Variants in RIMS2 observed in about 807,000 individuals in gnomAD.
RIMS2 encodes the protein regulating synaptic membrane exocytosis 2.
In RIMS2, 59 loss-of-function variants were observed where a neutral mutation model predicts 174.4. The ratio of observed to expected loss-of-function variants is 0.34; its 90% CI spans 0.27 to 0.42. The LOEUF (loss-of-function observed/expected upper bound fraction) is 0.42. Ranked by LOEUF, RIMS2 falls within the 10% of genes least tolerant of loss-of-function variation. RIMS2 has a pLI of 1.00. For missense variants in RIMS2, 1,620 were observed against 1,666.3 expected, an observed-to-expected ratio of 0.97 and a Z score of 0.48; for synonymous variants, 606 against 572.5, an observed-to-expected ratio of 1.06 and a Z score of -0.84.
exon 24 of RIMS2, chr8:104,251,799 A>G: frequency 1.2e-6 from 2 of 1,604,196 alleles, no homozygotes; most frequent in South Asian, 2.2e-5. Context: ...GTTCAACTGG[A>G]CCTTCTTACT....
intron 3 of RIMS2, among the ~76,000 whole-genome samples, chr8:103,815,307 A>G (rs1371011372): frequency 6.6e-6 from 1 of 152,170 alleles, no homozygotes; most frequent in Non-Finnish European, 1.5e-5. Flanking sequence ...TTAATAGGCA[A>G]AATACATTAT....
At chr8:104,235,187 G>A (rs1263955993) in intron 19 of RIMS2, among the ~76,000 whole-genome samples, 1 of 151,990 alleles carries the variant, frequency 6.6e-6, no homozygotes, top group Admixed American at 6.6e-5. Context: ...AGTTTATTTG[G>A]ACATGCAAGG....
chr8:103,894,968 T>C (rs2099268988), intron 4 of RIMS2, among the ~76,000 whole-genome samples: 2 of 151,812 alleles, frequency 1.3e-5, no homozygotes, highest in African/African-American at 4.9e-5. Flanking sequence ...TAATCATTAA[T>C]ACTTTTTTAA....
At chr8:103,553,761 A>G (rs1849130104) in intron 1 of RIMS2, among the ~76,000 whole-genome samples, 1 of 152,176 alleles carries the variant, frequency 6.6e-6, no homozygotes, top group African/African-American at 2.4e-5. Flanking sequence ...CCTAAGTAAA[A>G]AAACAAAGCT....
intron 19 of RIMS2, among the ~76,000 whole-genome samples, chr8:104,241,904 T>A (rs2139881957): frequency 6.6e-6 from 1 of 152,074 alleles, no homozygotes; most frequent in Middle Eastern, 3.4e-3. Flanking sequence ...GGATTACAGG[T>A]ATGGGCCACC....
At chr8:103,510,964 C>T (rs996153014) in intron 1 of RIMS2, among the ~76,000 whole-genome samples, 1 of 152,008 alleles carries the variant, frequency 6.6e-6, no homozygotes, top group African/African-American at 2.4e-5. Flanking sequence ...AAAGTAGATA[C>T]TGAACTATTC....
intron 9 of RIMS2, chr8:103,920,665 AT>A (rs2077436457): frequency 2.2e-6 from 1 of 457,016 alleles, no homozygotes; most frequent in East Asian, 7.0e-5. Flanking sequence ...TGTGTTCCCA[AT>A]TAAGTTTTTA....
At chr8:103,542,343 A>G (rs1397251359) in intron 1 of RIMS2, among the ~76,000 whole-genome samples, 1 of 152,222 alleles carries the variant, frequency 6.6e-6, no homozygotes, top group Non-Finnish European at 1.5e-5. Context: ...TAGAATCAGT[A>G]ATAATGTTTC....
At chr8:103,938,152 G>A (rs965978233) in intron 13 of RIMS2, among the ~76,000 whole-genome samples, 6 of 152,174 alleles carry the variant, frequency 3.9e-5, no homozygotes, top group African/African-American at 1.4e-4. Flanking sequence ...GGGCAAGATG[G>A]GAAGCAATTA....
At chr8:103,766,737 G>T (rs1296383866) in intron 3 of RIMS2, among the ~76,000 whole-genome samples, 200 bp downstream of exon 6, 1 of 152,192 alleles carries the variant, frequency 6.6e-6, no homozygotes, top group Non-Finnish European at 1.5e-5. Flanking sequence ...TGATGTGGGA[G>T]TGTTAGGTTA....
intron 18 of RIMS2, among the ~76,000 whole-genome samples, 153 bp from the exon 21 acceptor site, chr8:104,014,353 A>T (rs1359314144): frequency 6.6e-6 from 1 of 152,348 alleles, no homozygotes; most frequent in Middle Eastern, 3.4e-3. Context: ...AATCATTCAG[A>T]TATCCATATT....
chr8:104,068,652 T>C (rs2097144756), intron 19 of RIMS2, 40 bp downstream of exon 23: 1 of 1,009,980 alleles, frequency 9.9e-7, no homozygotes, highest in African/African-American at 1.6e-5. Context: ...AAATAATCAA[T>C]CATATGAAAC....
chr8:103,738,546 C>T (rs1029979398), intron 2 of RIMS2, among the ~76,000 whole-genome samples: 2 of 152,204 alleles, frequency 1.3e-5, no homozygotes, highest in South Asian at 4.1e-4. Context: ...TCTAATTAAA[C>T]TAAAGAGCTT....
At chr8:104,014,917 T>G (rs2095860670) in intron 19 of RIMS2, among the ~76,000 whole-genome samples, 1 of 152,284 alleles carries the variant, frequency 6.6e-6, no homozygotes, top group Non-Finnish European at 1.5e-5. Flanking sequence ...ACAAATAAGT[T>G]TATGTAATTG....
chr8:103,968,263 T>A (rs541267656), intron 15 of RIMS2, among the ~76,000 whole-genome samples: 14 of 152,336 alleles, frequency 9.2e-5, no homozygotes, highest in Admixed American at 2.6e-4. Flanking sequence ...CTTATACAGT[T>A]GAGCCTCATT....
intron 14 of RIMS2, among the ~76,000 whole-genome samples, chr8:103,959,131 T>C: frequency 6.6e-6 from 1 of 152,056 alleles, no homozygotes; most frequent in East Asian, 1.9e-4. Context: ...TGGGAGAAGA[T>C]TCAAAAAGGG....
At chr8:103,951,559 G>A (rs2085371192) in intron 14 of RIMS2, among the ~76,000 whole-genome samples, 1 of 152,138 alleles carries the variant, frequency 6.6e-6, no homozygotes, top group African/African-American at 2.4e-5. Context: ...CTGTACCTTG[G>A]ACTCTGGCCC....
intron 3 of RIMS2, among the ~76,000 whole-genome samples, chr8:103,844,200 G>A (rs1356396773): frequency 6.6e-6 from 1 of 152,144 alleles, no homozygotes; most frequent in African/African-American, 2.4e-5. Context: ...TTTATCAGCA[G>A]CGTGAAAATG....
rs1282923137 is a variant in RIMS2 at position 103,631,251 on chromosome 8, G to A, written c.177-65835G>A. Among the ~76,000 whole-genome samples, 4 of 152,140 alleles carry A rather than the reference G, an allele frequency of 2.6e-5. No homozygotes were observed. In the East Asian group the frequency reaches 7.7e-4, roughly 29 times the overall value. On this transcript the variant is annotated intron_variant, in intron 1 of 23. Coordinates refer to ENST00000504942, the Ensembl canonical transcript of RIMS2. ...TTTCTTCCAGGGTTTTTATAATTTT[G>A]GGTTTTATATTTAAGTCTTTAATCC...
Sources: allele counts gnomAD v4.1 joint callset (sites outside exome capture counted in the v4.1 genomes callset), GRCh38; gene constraint gnomAD v4.1.1; transcripts MANE v1.5; gene names NCBI Gene and HGNC (gene_info 2026-07-23, HGNC 2026-07-21).